Variants in CNNM4 observed in about 807,000 individuals in gnomAD.
CNNM4 encodes the protein cyclin and CBS domain divalent metal cation transport mediator 4, also known as metal transporter CNNM4.
Under a neutral mutation model 53.7 loss-of-function variants are expected in CNNM4, and 32 were observed. That is an observed-to-expected ratio of 0.60 (90% CI 0.45 to 0.80). CNNM4 has a LOEUF of 0.80. CNNM4 is among the 30% of genes least tolerant of loss of function. CNNM4 has a pLI of 0.00. For synonymous variants in CNNM4, 410 were observed against 440.0 expected, an observed-to-expected ratio of 0.93 and a Z score of 0.85; for missense variants, 784 against 1,022.0, an observed-to-expected ratio of 0.77 and a Z score of 3.17.
chr2:96,782,221 G>A (rs1475001928), intron 1 of CNNM4, among the ~76,000 whole-genome samples: 1 of 151,942 alleles, frequency 6.6e-6, no homozygotes, highest in African/African-American at 2.4e-5. Flanking sequence ...CGAATGGATT[G>A]CTTGAGCCCA....
chr2:96,802,616 G>C (rs924173265), intron 5 of CNNM4, among the ~76,000 whole-genome samples: 5 of 152,238 alleles, frequency 3.3e-5, no homozygotes, highest in African/African-American at 4.8e-5. Context: ...TGGGAACAAT[G>C]CGTGTACCCC....
intron 5 of CNNM4, among the ~76,000 whole-genome samples, chr2:96,807,679 G>A (rs1027627711): frequency 6.6e-6 from 1 of 151,958 alleles, no homozygotes; most frequent in African/African-American, 2.4e-5. Context: ...AGGTTGCAGT[G>A]AGCCAAAATC....
At chr2:96,772,728 T>C (rs1175241261) in intron 1 of CNNM4, among the ~76,000 whole-genome samples, 5 of 39,872 alleles carry the variant, frequency 1.3e-4, no homozygotes, top group Admixed American at 3.7e-4. Context: ...CACACATGCG[T>C]GCACACACAC....
rs1387661318 is a variant in CNNM4, at chr2:96,795,532, T to C, written c.1403-1480T>C. ...GGGTGTATTGTGAGAATTTTTACTT[T>C]AGTCATGAGACCTCACATTCTCTCT... On this transcript the variant is annotated intron_variant, in intron 1 of 6. Coordinates refer to ENST00000377075, the MANE Select transcript of CNNM4 (RefSeq NM_020184.4). Among the ~76,000 whole-genome samples, 4 of 152,274 alleles carry C rather than the reference T, an allele frequency of 2.6e-5. No homozygotes were observed. In the East Asian group the frequency reaches 7.7e-4, roughly 29 times the overall value.
rs1203599578 is a variant in CNNM4, at chr2:96,761,647, C to A, written c.648C>A (p.Ile216=). The change falls in exon 1 of 7, where the codon ATC becomes ATA. Residue 216 remains isoleucine, a synonymous_variant. Transcript: ENST00000377075. This position sits in a 1 kb window ranked among gnomAD's most constrained non-coding sequence, Gnocchi z 6.0. ...CCCTGGACCCCATGGAGCTGCGCAT[C>A]GTGCAGAACTGTGGCACCGAGAAGG... is the stretch of plus-strand genomic sequence containing the variant. ...LMALDPMELR[I]VQNCGTEKER... 2 of 1,613,240 alleles carry A rather than the reference C, an allele frequency of 1.2e-6. No individual in the cohort carries two copies. The highest frequency in any genetic ancestry group is 2.2e-5 in the South Asian group (2 of 91,078).
At chr2:96,790,807 A>C (rs1418288150) in intron 1 of CNNM4, among the ~76,000 whole-genome samples, 2 of 150,552 alleles carry the variant, frequency 1.3e-5, no homozygotes, top group Non-Finnish European at 3.0e-5. Flanking sequence ...AACATGATAA[A>C]ATCTCATCTC....
At position 96,797,183 on chromosome 2, in the gene CNNM4, G is replaced by A; in HGVS notation, c.1546+28G>A. On this transcript the variant is annotated intron_variant, in intron 2 of 6. Transcript: ENST00000377075. The surrounding 1 kb of genome is among the most constrained non-coding windows in gnomAD (Gnocchi z 6.0). ...GAGTCCAGCCTTCCACAGGGCCCAG[G>A]ACCCCTTTCCTGCTTGGATCGAAAC... is the stretch of plus-strand genomic sequence containing the variant. 1 of 1,613,794 alleles carries A rather than the reference G, an allele frequency of 6.2e-7. No individual in the cohort carries two copies. Among genetic ancestry groups the A allele is most frequent in the Non-Finnish European group, 8.5e-7 (1 of 1,179,982 alleles).
intron 5 of CNNM4, among the ~76,000 whole-genome samples, chr2:96,805,418 GTTTTTT>G (rs898761608): frequency 2.6e-5 from 2 of 76,158 alleles, no homozygotes; most frequent in Non-Finnish European, 5.3e-5. Context: ...CTTCTTTTCA[GTTTTTT>G]TTTTTTTTTT....
intron 1 of CNNM4, among the ~76,000 whole-genome samples, chr2:96,765,748 A>G (rs1038357102): frequency 1.3e-5 from 2 of 151,860 alleles, no homozygotes; most frequent in African/African-American, 4.8e-5. Context: ...ACTCTCTGGC[A>G]AGCCCCACTG....
In CNNM4 at chr2:96,811,124, G is replaced by A. The variant is rs2079253335; in HGVS notation, c.*1607G>A. ...ATCCTAACTCTTAGGACCAGGGATT[G>A]TCTTGCACCAAGTATGCCTACCCCT... On this transcript the variant is annotated 3_prime_UTR_variant, in exon 7 of 7. Transcript: ENST00000377075. 6.6e-6 allele frequency: 1 copy of A among 152,228 alleles called. No homozygotes were observed. Among genetic ancestry groups the A allele is most frequent in the Non-Finnish European group, 1.5e-5 (1 of 68,070 alleles). 9.4% of individuals were successfully genotyped at this position (152,228 alleles called of 1,614,324 possible).
At chr2:96,764,565 A>G (rs964624530) in intron 1 of CNNM4, among the ~76,000 whole-genome samples, 1 of 151,876 alleles carries the variant, frequency 6.6e-6, no homozygotes, top group South Asian at 2.1e-4. Flanking sequence ...GTCTTGGAAA[A>G]CCAGTTTTAA....
chr2:96,796,976 C>T, intron 1 of CNNM4, 36 bp from the exon 2 acceptor site: 1 of 1,610,322 alleles, frequency 6.2e-7, no homozygotes, highest in African/African-American at 1.3e-5. Flanking sequence ...TGACTGGCCT[C>T]TGGGCTCTTG....
Position 96,808,590 on chromosome 2 carries a change from AG to A in CNNM4, c.1979del (p.Ser660ThrfsTer74). 6.2e-7 allele frequency: 1 copy of A among 1,613,956 alleles called. No homozygotes were observed. Among genetic ancestry groups the A allele is most frequent in the Non-Finnish European group, 8.5e-7 (1 of 1,179,966 alleles). The part of the protein sequence containing the change: ...DRSPAHPTPL[S>X]RSASLSYPDR... Reference sequence around the variant, plus strand: ...TTCCCCAGCACACCCCACCCCACTCAGCCGCTCAGCCTCCCTCAGTTACCCA... The same window carrying A: ...TTCCCCAGCACACCCCACCCCACTCACCGCTCAGCCTCCCTCAGTTACCCA... On this transcript the variant is annotated frameshift_variant, in exon 6 of 7. Transcript: ENST00000377075. LOFTEE classifies it high-confidence loss of function. The surrounding 1 kb of genome is among the most constrained non-coding windows in gnomAD (Gnocchi z 4.9).
In CNNM4 at chr2:96,800,277, A is replaced by C. The variant is rs978900693; in HGVS notation, c.1948+629A>C. 2.6e-5 allele frequency among the ~76,000 whole-genome samples: 4 copies of C among 152,018 alleles called. No individual in the cohort carries two copies. Among genetic ancestry groups the C allele is most frequent in the African/African-American group, 9.7e-5 (4 of 41,382 alleles). On this transcript the variant is annotated intron_variant, in intron 5 of 6. Transcript: ENST00000377075. The surrounding 1 kb of genome is among the most constrained non-coding windows in gnomAD (Gnocchi z 4.6). ...AGGCTTTCCCCGCAGAGCCCCACAG[A>C]CAAGGCCCCGCAGGCCCAGGTCTCG... is the stretch of plus-strand genomic sequence containing the variant.
rs1179983987 is a variant in CNNM4, at chr2:96,799,174, A to G, written c.1799A>G (p.His600Arg). Residue 600 changes from histidine to arginine, a missense_variant, in exon 4 of 7, where the codon CAT becomes CGT. Physicochemically the swap from His to Arg is conservative, Grantham distance 29. This residue lies in a region of CNNM4 where 307 missense variants were observed against 376.3 expected (regional missense o/e 0.82). Coordinates refer to ENST00000377075, the MANE Select transcript of CNNM4 (RefSeq NM_020184.4). ...GAGCACAATAAGTACTACGCCCGCC[A>G]TTACCTGTACACCCGAAATAAGCCG... ...FDEHNKYYAR[H>R]YLYTRNKPAD... 6.2e-7 allele frequency: 1 copy of G among 1,614,172 alleles called. No homozygotes were observed. The highest frequency in any genetic ancestry group is 1.1e-5 in the South Asian group (1 of 91,090).
intron 1 of CNNM4, among the ~76,000 whole-genome samples, chr2:96,792,019 C>T (rs115143783): frequency 0.024 from 3,673 of 151,876 alleles, 168 homozygotes; most frequent in African/African-American, 0.082. Flanking sequence ...TTTGGGAGGC[C>T]GAGGTGGGCT....
intron 1 of CNNM4, among the ~76,000 whole-genome samples, chr2:96,782,958 C>T (rs2078987211): frequency 6.6e-6 from 1 of 151,996 alleles, no homozygotes; most frequent in Non-Finnish European, 1.5e-5. Flanking sequence ...GTAATCCTAC[C>T]ACTTTGGGAG....
Position 96,811,824 on chromosome 2 carries a change from G to A in CNNM4, c.*2307G>A, listed in dbSNP as rs764159756. 1.0e-4 allele frequency: 16 copies of A among 152,556 alleles called. No individual in the cohort carries two copies. Among genetic ancestry groups the A allele is most frequent in the South Asian group, 4.1e-4 (2 of 4,822 alleles). The allele number at this position is 152,556 out of a possible 1,614,324, so 9.5% of individuals were successfully genotyped here. On this transcript the variant is annotated 3_prime_UTR_variant, in exon 7 of 7. Coordinates refer to ENST00000377075, the MANE Select transcript of CNNM4 (RefSeq NM_020184.4). ...CACAAAACAATGATATTTGCTAAAC[G>A]ATATATGGAATTTATTTTTGATTGG... is the stretch of plus-strand genomic sequence containing the variant.
In CNNM4 at chr2:96,809,720, A is replaced by T; in HGVS notation, c.*203A>T. The T allele has an allele frequency of 7.7e-6, 4 of 517,082 alleles. No homozygotes were observed. Among genetic ancestry groups the T allele is most frequent in the Non-Finnish European group, 1.4e-5 (4 of 292,318 alleles). 32.0% of individuals were successfully genotyped at this position (517,082 alleles called of 1,614,324 possible). ...GAGGTGGCACTGTCCAGCCCTGGAT[A>T]GGGGGGGCAGTGGGCCAGCTACCGT... On this transcript the variant is annotated 3_prime_UTR_variant, in exon 7 of 7. Transcript: ENST00000377075.
Sources: gnomAD v4.1 joint callset for allele counts (sites outside exome capture counted in the v4.1 genomes callset) on GRCh38, gnomAD v4.1.1 for gene constraint, gnomAD v4.1.1 regional missense constraint, Gnocchi (gnomAD v3.1) non-coding constraint, MANE v1.5 for transcripts, NCBI Gene and HGNC (gene_info 2026-07-23, HGNC 2026-07-21) for gene names.